Variants in ANGPT2 observed in about 807,000 individuals in gnomAD.
ANGPT2 encodes angiopoietin-2.
Under a neutral mutation model 62.9 loss-of-function variants are expected in ANGPT2, and 28 were observed. The observed-to-expected ratio is 0.44, with a 90% CI of 0.33 to 0.61. The LOEUF (loss-of-function observed/expected upper bound fraction) is 0.61, where lower values mean the gene tolerates loss of function less well. ANGPT2 is among the 20% of genes least tolerant of loss of function. ANGPT2 has a pLI of 0.03. For missense variants in ANGPT2, 727 were observed against 594.9 expected (o/e 1.22, Z -2.31); for synonymous variants, 284 against 207.8 (o/e 1.37, Z -3.15).
chr8:6,523,647 T>A (rs888165511), intron 3 of ANGPT2, among the ~76,000 whole-genome samples: 28 of 152,160 alleles, frequency 1.8e-4, no homozygotes, highest in Non-Finnish European at 4.4e-5. Context: ...TGTTGTGCAG[T>A]GGCGCGATCT....
Position 6,502,766 on chromosome 8 carries a change from C to A in ANGPT2, c.*335G>T. 1 of 303,832 alleles carries A rather than the reference C, an allele frequency of 3.3e-6. No individual in the cohort carries two copies. Among genetic ancestry groups the A allele is most frequent in the African/African-American group, 2.1e-5 (1 of 46,786 alleles). 18.8% of individuals were successfully genotyped at this position (303,832 alleles called of 1,614,324 possible). The stretch of plus-strand genomic sequence containing the variant: ...TGTATAACATAAGTGTTCTGTTTTC[C>A]AGTTATTTACTGATAAACTTGCACA... On this transcript the variant is annotated 3_prime_UTR_variant, in exon 9 of 9. Transcript: ENST00000629816.
In ANGPT2 at chr8:6,513,788, C is replaced by T. The variant is rs368524229; in HGVS notation, c.1086G>A (p.Leu362=). 3 of 1,613,890 alleles carry T rather than the reference C, an allele frequency of 1.9e-6. No homozygotes were observed. The highest frequency in any genetic ancestry group is 1.7e-6 in the Non-Finnish European group (2 of 1,179,978). The change falls in exon 7 of 9, where the codon CTG becomes CTA. Residue 362 remains leucine, a synonymous_variant. Coordinates refer to ENST00000629816, the MANE Select transcript of ANGPT2 (RefSeq NM_001118887.2). ...YWLGNEFVSQ[L]TNQQRYVLKI... ...TAAGCACATAGCGTTGCTGATTAGT[C>T]AGTTGCGAAACAAACTCATTTCCCA...
chr8:6,531,433 T>G (rs1469806809), intron 2 of ANGPT2, among the ~76,000 whole-genome samples: 2 of 151,996 alleles, frequency 1.3e-5, no homozygotes, highest in African/African-American at 4.8e-5. Context: ...GGATTGCAGA[T>G]GCCCGCCACC....
intron 1 of ANGPT2, among the ~76,000 whole-genome samples, chr8:6,543,152 G>T (rs1421999248): frequency 6.6e-6 from 1 of 151,450 alleles, no homozygotes; most frequent in Non-Finnish European, 1.5e-5. Flanking sequence ...CTTTCTGCTA[G>T]CACCCAAAAA....
intron 5 of ANGPT2, among the ~76,000 whole-genome samples, chr8:6,516,784 G>A (rs1022778634): frequency 6.6e-6 from 1 of 152,128 alleles, no homozygotes; most frequent in Non-Finnish European, 1.5e-5. Context: ...TGATTCTTCA[G>A]TGTCAAAATT....
At chr8:6,519,747 T>C (rs1293799088) in intron 5 of ANGPT2, 117 bp downstream of exon 5, 2 of 1,340,614 alleles carry the variant, frequency 1.5e-6, no homozygotes, top group African/African-American at 2.9e-5. Context: ...ACTATGGCTT[T>C]GTACTGTGTG....
At chr8:6,542,292 GT>G (rs1362554046) in intron 1 of ANGPT2, among the ~76,000 whole-genome samples, 3 of 133,102 alleles carry the variant, frequency 2.3e-5, no homozygotes, top group African/African-American at 1.0e-4. Flanking sequence ...TGAGGTAGGG[GT>G]GTGTGTGTGT....
intron 1 of ANGPT2, among the ~76,000 whole-genome samples, chr8:6,555,654 G>T (rs1824476059): frequency 6.6e-6 from 1 of 151,898 alleles, no homozygotes; most frequent in African/African-American, 2.4e-5. Flanking sequence ...GTAGAGACGG[G>T]GTTTCATCGT....
chr8:6,523,173 A>G (rs897104626), intron 3 of ANGPT2, among the ~76,000 whole-genome samples: 17 of 151,930 alleles, frequency 1.1e-4, no homozygotes, highest in African/African-American at 4.1e-4. Flanking sequence ...AACTTTTTGT[A>G]TTTTTAGTAG....
chr8:6,541,853 T>C (rs1386704716), intron 1 of ANGPT2, among the ~76,000 whole-genome samples: 1 of 151,800 alleles, frequency 6.6e-6, no homozygotes, highest in East Asian at 1.9e-4. Flanking sequence ...AAAATTTTTT[T>C]AAAAATTAGC....
At chr8:6,522,497 G>A (rs1320412085) in intron 3 of ANGPT2, among the ~76,000 whole-genome samples, 2 of 152,148 alleles carry the variant, frequency 1.3e-5, no homozygotes, top group Admixed American at 6.5e-5. Context: ...TTGAGGGCCA[G>A]GCTCAGTGGC....
chr8:6,512,106 C>G (rs546958791), intron 7 of ANGPT2, among the ~76,000 whole-genome samples: 19 of 152,078 alleles, frequency 1.2e-4, no homozygotes, highest in Admixed American at 3.9e-4. Flanking sequence ...CCAGGAGAGC[C>G]TGATCTTTCC....
intron 1 of ANGPT2, among the ~76,000 whole-genome samples, chr8:6,554,697 C>G (rs1272560691): frequency 1.3e-5 from 2 of 152,110 alleles, no homozygotes; most frequent in South Asian, 2.1e-4. Context: ...GAAAGTTGCT[C>G]AGAGGGAGAA....
chr8:6,530,386 G>A (rs918920318), intron 2 of ANGPT2, among the ~76,000 whole-genome samples: 1 of 151,856 alleles, frequency 6.6e-6, no homozygotes, highest in African/African-American at 2.4e-5. Context: ...GCCTGCACCT[G>A]TAATCCCAGC....
intron 1 of ANGPT2, among the ~76,000 whole-genome samples, chr8:6,547,848 GGTTT>G (rs1045981444): frequency 8.6e-5 from 13 of 151,688 alleles, no homozygotes; most frequent in South Asian, 2.1e-4. Context: ...CCTATTGTTA[GGTTT>G]GTTTGTTTGT....
rs917373134 is a variant in ANGPT2 at position 6,563,201 on chromosome 8, T to A, written c.-267A>T. 12 of 305,322 alleles carry A rather than the reference T, an allele frequency of 3.9e-5. No individual in the cohort carries two copies. The highest frequency in any genetic ancestry group is 6.9e-5 in the Non-Finnish European group (11 of 159,720). 18.9% of individuals were successfully genotyped at this position (305,322 alleles called of 1,614,324 possible). A position where few individuals can be genotyped will look rare whatever the true frequency, so the allele number is the denominator to read the frequency against. ...CTGTGTCAGCTTTTACAGAGCAGCTTTCACGGTCCTTTGTTCCTCTCTCCC... is the reference window on the plus strand; with the variant it reads ...CTGTGTCAGCTTTTACAGAGCAGCTATCACGGTCCTTTGTTCCTCTCTCCC... On this transcript the variant is annotated 5_prime_UTR_variant, in exon 1 of 9. Coordinates refer to ENST00000629816, the MANE Select transcript of ANGPT2 (RefSeq NM_001118887.2).
intron 2 of ANGPT2, among the ~76,000 whole-genome samples, chr8:6,532,057 T>G (rs886902721): frequency 2.6e-5 from 4 of 152,230 alleles, no homozygotes; most frequent in African/African-American, 9.6e-5. Flanking sequence ...GGTATTCATC[T>G]TGCAGTGGTT....
rs182598865 is a variant in ANGPT2, at chr8:6,506,095, C to G, written c.1328-2834G>C. Among the ~76,000 whole-genome samples, 7 of 149,368 alleles carry G rather than the reference C, an allele frequency of 4.7e-5. No homozygotes were observed. The East Asian group carries it at 1.2e-3, about 25-fold the overall frequency. On this transcript the variant is annotated intron_variant, in intron 8 of 8. Coordinates refer to ENST00000629816, the MANE Select transcript of ANGPT2 (RefSeq NM_001118887.2). ...TTGGTTTGTTATTTCATCCAGGTTC[C>G]TACATTGTTTCTTGGTGGTAACAGC...
chr8:6,505,718 T>G (rs1204146381), intron 8 of ANGPT2, among the ~76,000 whole-genome samples: 1 of 86,806 alleles, frequency 1.2e-5, no homozygotes, highest in African/African-American at 3.0e-5. Context: ...CGTATATATA[T>G]TCTATATATA....
Sources: gnomAD v4.1 joint callset for allele counts (sites outside exome capture counted in the v4.1 genomes callset) on GRCh38, gnomAD v4.1.1 for gene constraint, MANE v1.5 for transcripts, NCBI Gene and HGNC (gene_info 2026-07-23, HGNC 2026-07-21) for gene names.